The following DCC variants were observed in gnomAD, a reference collection of about 807,000 sequenced individuals.
The protein encoded by DCC is netrin receptor DCC.
Under a neutral mutation model 172.5 loss-of-function variants are expected in DCC, and 58 were observed. That is an observed-to-expected ratio of 0.34 (90% CI 0.27 to 0.42). DCC has a LOEUF of 0.42. Ranked by LOEUF, DCC falls within the 10% of genes least tolerant of loss-of-function variation. The probability of loss-of-function intolerance (pLI) is 1.00; values close to 1 mark genes in which losing one functional copy is unlikely to be tolerated. For synonymous variants in DCC, 709 were observed against 644.5 expected (o/e 1.10, Z -1.52); for missense variants, 1,740 against 1,791.0 (o/e 0.97, Z 0.51).
At chr18:52,619,192 C>T (rs1357161852) in intron 1 of DCC, among the ~76,000 whole-genome samples, 5 of 152,158 alleles carry the variant, frequency 3.3e-5, no homozygotes, top group Non-Finnish European at 5.9e-5. Flanking sequence ...CCTGCCTCTG[C>T]TACCTTTCAA....
rs1405968135 is a variant in DCC at position 52,606,263 on chromosome 18, A to G, written c.92-145791A>G. On this transcript the variant is annotated intron_variant, in intron 1 of 28. Transcript: ENST00000442544. ...CAGTGCTACCATTTACTATCTATGT[A>G]TTGTTGGACAAGTTGCTTAAACTCC... is the stretch of plus-strand genomic sequence containing the variant. 2.6e-5 allele frequency among the ~76,000 whole-genome samples: 4 copies of G among 152,040 alleles called. No individual in the cohort carries two copies. The South Asian group carries it at 8.3e-4, about 32-fold the overall frequency.
At chr18:53,353,512 A>ATATT (rs1465135699) in intron 15 of DCC, among the ~76,000 whole-genome samples, 1 of 146,336 alleles carries the variant, frequency 6.8e-6, no homozygotes, top group Non-Finnish European at 1.5e-5. Context: ...GTTATTTTAG[A>ATATT]TATTTAACTG....
At chr18:53,141,897 G>A (rs2043836040) in intron 7 of DCC, among the ~76,000 whole-genome samples, 1 of 152,088 alleles carries the variant, frequency 6.6e-6, no homozygotes, top group Non-Finnish European at 1.5e-5. Context: ...GAAGTACATT[G>A]AACACCAAGC....
intron 1 of DCC, among the ~76,000 whole-genome samples, chr18:52,671,513 C>T (rs2035552366): frequency 6.7e-6 from 1 of 150,070 alleles, no homozygotes; most frequent in Non-Finnish European, 1.5e-5. Context: ...AATAGCATTG[C>T]TCAGTATCAT....
At chr18:52,953,028 A>AAAAAT (rs2040682314) in intron 5 of DCC, among the ~76,000 whole-genome samples, 5 of 143,752 alleles carry the variant, frequency 3.5e-5, no homozygotes, top group Admixed American at 7.1e-5. Flanking sequence ...AAAAAAAAAA[A>AAAAAT]CTCATAACAT....
chr18:53,357,583 T>C (rs1342053091), intron 15 of DCC, among the ~76,000 whole-genome samples: 3 of 152,154 alleles, frequency 2.0e-5, no homozygotes, highest in East Asian at 1.9e-4. Context: ...ATCATAAGTA[T>C]TGGTTAACAA....
intron 22 of DCC, among the ~76,000 whole-genome samples, chr18:53,438,747 A>T (rs1021667608): frequency 6.6e-6 from 1 of 152,206 alleles, no homozygotes; most frequent in Non-Finnish European, 1.5e-5. Context: ...TCCTTTTCAA[A>T]GGTGTCAGAT....
chr18:53,527,085 G>T (rs1191841426), intron 28 of DCC: 3 of 315,966 alleles, frequency 9.5e-6, no homozygotes, highest in Non-Finnish European at 1.8e-5. Context: ...ATATACACAT[G>T]GATACGTGTG....
chr18:53,247,516 G>A lies in DCC; in HGVS notation c.1911+31919G>A, dbSNP rs550995463. On this transcript the variant is annotated intron_variant, in intron 12 of 28. Transcript: ENST00000442544. ...AGGAAAGAGCATAGGAGAGTCTCTA[G>A]CACAATACAGGCTTTGACAATTAAA... Among the ~76,000 whole-genome samples the A allele has an allele frequency of 1.2e-4, 18 of 152,076 alleles. No individual in the cohort carries two copies. The South Asian group carries it at 3.7e-3, about 32-fold the overall frequency.
At chr18:53,357,618 C>T (rs1412514850) in intron 15 of DCC, among the ~76,000 whole-genome samples, 3 of 152,082 alleles carry the variant, frequency 2.0e-5, no homozygotes, top group Admixed American at 2.0e-4. Flanking sequence ...TTTTTTGAAG[C>T]AGTTTAAGAA....
chr18:53,196,913 T>G (rs17487484), intron 9 of DCC, among the ~76,000 whole-genome samples: 69,578 of 151,842 alleles, frequency 0.46, 16,910 homozygotes, highest in Non-Finnish European at 0.52. Context: ...AATTACTGTC[T>G]TATCTCCTAA....
chr18:53,337,095 T>C (rs1456501153), intron 14 of DCC, among the ~76,000 whole-genome samples: 1 of 152,228 alleles, frequency 6.6e-6, no homozygotes, highest in African/African-American at 2.4e-5. Context: ...ATGAATAAAA[T>C]TGTGTAGTTA....
chr18:52,995,636 AG>A (rs764103634), intron 5 of DCC, among the ~76,000 whole-genome samples: 8 of 152,094 alleles, frequency 5.3e-5, no homozygotes, highest in Admixed American at 4.6e-4. Flanking sequence ...TAACATCTCA[AG>A]GCTGTAGCCC....
intron 1 of DCC, among the ~76,000 whole-genome samples, chr18:52,395,462 G>T (rs751000387): frequency 1.3e-5 from 2 of 151,954 alleles, no homozygotes; most frequent in Non-Finnish European, 2.9e-5. Context: ...AAAGGATGAA[G>T]AGACTTTTAA....
intron 1 of DCC, among the ~76,000 whole-genome samples, chr18:52,681,576 G>A (rs80158435): frequency 0.055 from 8,303 of 152,146 alleles, 359 homozygotes; most frequent in African/African-American, 0.12. Flanking sequence ...GAAGTAGGGA[G>A]CATTTCTGAT....
chr18:52,775,016 T>C (rs1479010006), intron 2 of DCC, among the ~76,000 whole-genome samples: 1 of 152,172 alleles, frequency 6.6e-6, no homozygotes, highest in African/African-American at 2.4e-5. Context: ...GTGGAGTTTT[T>C]TAAAGCCCGG....
intron 8 of DCC, among the ~76,000 whole-genome samples, chr18:53,158,562 G>A (rs1362129947): frequency 6.6e-6 from 1 of 152,188 alleles, no homozygotes; most frequent in Non-Finnish European, 1.5e-5. Context: ...AAATGGGACA[G>A]TCTGGTGCTC....
At chr18:52,652,294 G>A (rs1243229940) in intron 1 of DCC, among the ~76,000 whole-genome samples, 1 of 152,184 alleles carries the variant, frequency 6.6e-6, no homozygotes, top group Non-Finnish European at 1.5e-5. Flanking sequence ...GCTGTGTGCT[G>A]AGTGAGAACA....
At chr18:52,810,623 G>C (rs2038177864) in intron 2 of DCC, among the ~76,000 whole-genome samples, 1 of 152,258 alleles carries the variant, frequency 6.6e-6, no homozygotes, top group Non-Finnish European at 1.5e-5. Context: ...GGACTCAATG[G>C]GGAGTGCGCA....
Sources: allele counts gnomAD v4.1 joint callset (sites outside exome capture counted in the v4.1 genomes callset), GRCh38; gene constraint gnomAD v4.1.1; transcripts MANE v1.5; gene names NCBI Gene and HGNC (gene_info 2026-07-23, HGNC 2026-07-21).